Variants in PPP2R2C observed in about 807,000 individuals in gnomAD.
The protein encoded by PPP2R2C is protein phosphatase 2 regulatory subunit Bgamma, also known as protein phosphatase 2, regulatory subunit B, gamma.
A neutral mutation model predicts 45.3 loss-of-function variants in PPP2R2C; 10 were observed. That is an observed-to-expected ratio of 0.22 (90% CI 0.14 to 0.37). The LOEUF (loss-of-function observed/expected upper bound fraction) is 0.37. Ranked by LOEUF, PPP2R2C falls within the 10% of genes least tolerant of loss-of-function variation. The pLI is 1.00. For synonymous variants in PPP2R2C, 257 were observed against 245.4 expected (o/e 1.05, Z -0.44); for missense variants, 308 against 619.7 (o/e 0.50, Z 5.34).
At chr4:6,349,159 G>T (rs998688645) in intron 5 of PPP2R2C, 1 of 985,136 alleles carries the variant, frequency 1.0e-6, no homozygotes, top group Non-Finnish European at 1.2e-6. Flanking sequence ...TGACAGAAAG[G>T]CCCTCTCCCC....
intron 2 of PPP2R2C, among the ~76,000 whole-genome samples, chr4:6,534,753 C>T (rs529283151): frequency 3.9e-5 from 6 of 152,306 alleles, no homozygotes; most frequent in African/African-American, 1.4e-4. Context: ...ACCCCGCCTC[C>T]GCATGGCTGC....
intron 2 of PPP2R2C, among the ~76,000 whole-genome samples, chr4:6,512,282 T>G (rs1723630091): frequency 8.4e-6 from 1 of 118,696 alleles, no homozygotes; most frequent in Admixed American, 7.9e-5. Flanking sequence ...GTGGGGGTGG[T>G]GGTGATGGTG....
upstream of PPP2R2C, among the ~76,000 whole-genome samples, chr4:6,474,848 C>G (rs1166656499): frequency 2.6e-5 from 4 of 151,798 alleles, no homozygotes; most frequent in South Asian, 8.3e-4. Context: ...CTGCCCACCC[C>G]CCACCTCCAC....
chr4:6,481,192 A>G (rs916206654), intron 2 of PPP2R2C, among the ~76,000 whole-genome samples: 2 of 152,326 alleles, frequency 1.3e-5, no homozygotes, highest in East Asian at 3.9e-4. Context: ...AAATGTATCA[A>G]TATTTATCTT....
intron 1 of PPP2R2C, among the ~76,000 whole-genome samples, chr4:6,453,053 G>T (rs761468156): frequency 1.3e-5 from 2 of 152,216 alleles, no homozygotes; most frequent in Non-Finnish European, 2.9e-5. Flanking sequence ...ATGGATGCGT[G>T]TGGCTCCCTC....
At chr4:6,385,558 C>T (rs2109322414) in intron 1 of PPP2R2C, among the ~76,000 whole-genome samples, 1 of 152,158 alleles carries the variant, frequency 6.6e-6, no homozygotes. Flanking sequence ...CCTACAACTG[C>T]AGGCTTTTAT....
rs536734531 is a variant in PPP2R2C at position 6,330,252 on chromosome 4, T to G, written c.961-899A>C. Among the ~76,000 whole-genome samples the G allele has an allele frequency of 2.6e-4, 39 of 152,284 alleles. No individual in the cohort carries two copies. The highest frequency in any genetic ancestry group is 1.6e-3 in the Admixed American group (25 of 15,306). On this transcript the variant is annotated intron_variant, in intron 7 of 8. Transcript: ENST00000382599. This position sits in a 1 kb window ranked among gnomAD's most constrained non-coding sequence, Gnocchi z 7.0. ...GGACAACAGGGCACGGGCTCTGCCC[T>G]CTGGGTGCGGAAGGGAAGGTAACTG...
chr4:6,362,807 T>C (rs1713908343), intron 5 of PPP2R2C, among the ~76,000 whole-genome samples: 5 of 152,166 alleles, frequency 3.3e-5, no homozygotes, highest in Admixed American at 2.6e-4. Context: ...CGGTGTAGCA[T>C]GACAGTTAAG....
At chr4:6,342,888 T>C (rs1029509390) in intron 6 of PPP2R2C, among the ~76,000 whole-genome samples, 21 of 152,120 alleles carry the variant, frequency 1.4e-4, no homozygotes, top group Admixed American at 4.6e-4. Context: ...CTCGGTCTCC[T>C]CATCTGTCCA....
At chr4:6,393,768 G>A (rs888466727) in intron 1 of PPP2R2C, among the ~76,000 whole-genome samples, 12 of 152,238 alleles carry the variant, frequency 7.9e-5, no homozygotes, top group African/African-American at 2.4e-4. Context: ...CACAGAGGCA[G>A]ATGGGCCTGG....
intron 5 of PPP2R2C, chr4:6,350,303 G>C: frequency 1.0e-6 from 1 of 985,468 alleles, no homozygotes. Context: ...CCCGCTCGGA[G>C]CAGCTCTCAG....
chr4:6,529,738 A>G (rs1294553156), intron 2 of PPP2R2C, among the ~76,000 whole-genome samples: 3 of 152,164 alleles, frequency 2.0e-5, no homozygotes, highest in African/African-American at 4.8e-5. Flanking sequence ...TGCTTTGCCC[A>G]CTGCTGTGGC....
At chr4:6,537,276 C>G (rs1033667292) in intron 1 of PPP2R2C, among the ~76,000 whole-genome samples, 5 of 151,926 alleles carry the variant, frequency 3.3e-5, no homozygotes, top group African/African-American at 1.2e-4. Context: ...AAACAAAGGA[C>G]ACACACATAA....
chr4:6,361,580 T>A (rs577245139), intron 5 of PPP2R2C, among the ~76,000 whole-genome samples: 1 of 152,252 alleles, frequency 6.6e-6, no homozygotes, highest in East Asian at 1.9e-4. Context: ...TACAGTTAAA[T>A]TGAATTTAGT....
chr4:6,435,638 G>A (rs1455067675), intron 1 of PPP2R2C, among the ~76,000 whole-genome samples: 2 of 152,198 alleles, frequency 1.3e-5, no homozygotes, highest in African/African-American at 2.4e-5. Flanking sequence ...CAAGATTCGT[G>A]CACCAGAGTG....
At position 6,324,277 on chromosome 4, in the gene PPP2R2C, C is replaced by G. The variant is rs773926625; in HGVS notation, c.1053-684G>C. On this transcript the variant is annotated intron_variant, in intron 8 of 8. Coordinates refer to ENST00000382599, the MANE Select transcript of PPP2R2C (RefSeq NM_020416.4). This position sits in a 1 kb window ranked among gnomAD's most constrained non-coding sequence, Gnocchi z 4.1. ...TGAAACCCTGTCTCTACTAAAAATA[C>G]AAAAATTAGCTGGACATGGTGGTGG... 6.6e-6 allele frequency among the ~76,000 whole-genome samples: 1 copy of G among 151,968 alleles called. No homozygotes were observed. The highest frequency in any genetic ancestry group is 1.5e-5 in the Non-Finnish European group (1 of 67,990).
intron 1 of PPP2R2C, chr4:6,382,855 G>A (rs1715949386): frequency 8.8e-7 from 1 of 1,138,388 alleles, no homozygotes; most frequent in African/African-American, 1.6e-5. Flanking sequence ...AGAGAGGCTG[G>A]TAACACCCAG....
chr4:6,363,993 G>A (rs949191853), intron 5 of PPP2R2C, among the ~76,000 whole-genome samples: 7 of 152,188 alleles, frequency 4.6e-5, no homozygotes, highest in Middle Eastern at 3.2e-3. Context: ...TATTACACTA[G>A]TTCCATTATT....
chr4:6,489,724 A>G (rs1375913339), intron 2 of PPP2R2C, among the ~76,000 whole-genome samples: 2 of 152,074 alleles, frequency 1.3e-5, no homozygotes, highest in Non-Finnish European at 2.9e-5. Flanking sequence ...ACTTTTTCAG[A>G]TTCTGCCAGT....
Sources: gnomAD v4.1 joint callset for allele counts (sites outside exome capture counted in the v4.1 genomes callset) on GRCh38, gnomAD v4.1.1 for gene constraint, Gnocchi (gnomAD v3.1) non-coding constraint, MANE v1.5 for transcripts, NCBI Gene and HGNC (gene_info 2026-07-23, HGNC 2026-07-21) for gene names.